Variants in NXPE2 observed in about 807,000 individuals in gnomAD.
NXPE2 encodes NXPE family member 2.
NXPE2 carries 34 observed loss-of-function variants against 34.4 expected under a neutral mutation model. That is an observed-to-expected ratio of 0.99 (90% CI 0.75 to 1.31). The LOEUF (loss-of-function observed/expected upper bound fraction) is 1.31. Ranked by LOEUF, NXPE2 falls within the 40% of genes most tolerant of loss-of-function variation. The probability of loss-of-function intolerance (pLI) is 0.00; values close to 1 mark genes in which losing one functional copy is unlikely to be tolerated. For synonymous variants in NXPE2, 235 were observed against 231.3 expected, an observed-to-expected ratio of 1.02 and a Z score of -0.15; for missense variants, 649 against 672.5, an observed-to-expected ratio of 0.97 and a Z score of 0.39.
chr11:114,800,451 TTGTTAAAC>T, the NXPE2 span, among the ~76,000 whole-genome samples: 1 of 152,054 alleles, frequency 6.6e-6, no homozygotes, highest in Non-Finnish European at 1.5e-5. Flanking sequence ...TTCAAACTGT[TTGTTAAAC>T]TGATTTTTTT....
At chr11:114,622,687 G>A in the NXPE2 span, among the ~76,000 whole-genome samples, 1 of 151,600 alleles carries the variant, frequency 6.6e-6, no homozygotes, top group South Asian at 2.1e-4. Context: ...ATGTTGCCTA[G>A]TGGTTAACCC....
chr11:114,533,670 A>AGCT, the NXPE2 span, among the ~76,000 whole-genome samples: 1 of 152,246 alleles, frequency 6.6e-6, no homozygotes, highest in Non-Finnish European at 1.5e-5. Flanking sequence ...TCCTACGCCC[A>AGCT]CGGAGCCTTG....
At position 114,706,278 on chromosome 11, in the gene NXPE2, T is replaced by C. The variant is rs1010842823; in HGVS notation, c.1145-117T>C. 23 of 822,948 alleles carry C rather than the reference T, an allele frequency of 2.8e-5. No homozygotes were observed. In the East Asian group the frequency reaches 4.0e-4, roughly 14 times the overall value. The allele number at this position is 822,948 out of a possible 1,614,324, so 51.0% of individuals were successfully genotyped here. A position where few individuals can be genotyped will look rare whatever the true frequency, so the allele number is the denominator to read the frequency against. On this transcript the variant is annotated intron_variant, in intron 5 of 5. Transcript: ENST00000389586. ...ACCTGGTAAAATTATCCACCTTACA[T>C]AGGCAATAGTGCTTAGTTAGAAGTG...
At position 114,705,907 on chromosome 11, in the gene NXPE2, T is replaced by C. The variant is rs546157264; in HGVS notation, c.1055T>C (p.Ile352Thr). 1 of 1,541,888 alleles carries C rather than the reference T, an allele frequency of 6.5e-7. No individual in the cohort carries two copies. Among genetic ancestry groups the C allele is most frequent in the African/African-American group, 1.4e-5 (1 of 72,764 alleles). ...ATCAAGTTCAATGAAACAAAAAATA[T>C]AAATGACTGCTTGGAAAGAAAACTT... ...KQIKFNETKNINDCLERKLIY... is the reference protein window; with the variant it reads ...KQIKFNETKNTNDCLERKLIY... The change falls in exon 5 of 6, where the codon ATA becomes ACA. Residue 352 changes from isoleucine to threonine, a missense_variant. Transcript: ENST00000389586.
the NXPE2 span, among the ~76,000 whole-genome samples, chr11:114,804,012 A>T: frequency 6.6e-6 from 1 of 152,138 alleles, no homozygotes; most frequent in African/African-American, 2.4e-5. Flanking sequence ...GTTATGGGGG[A>T]ACAAAACATT....
chr11:114,605,193 C>T, the NXPE2 span, among the ~76,000 whole-genome samples: 2 of 151,844 alleles, frequency 1.3e-5, no homozygotes, highest in Non-Finnish European at 2.9e-5. Flanking sequence ...CCACTCTTAC[C>T]CAGTGGATAA....
chr11:114,751,820 G>A, the NXPE2 span, among the ~76,000 whole-genome samples: 4 of 152,186 alleles, frequency 2.6e-5, no homozygotes, highest in Admixed American at 2.0e-4. Context: ...CAGGCCCTAT[G>A]TAATCATGAG....
the NXPE2 span, among the ~76,000 whole-genome samples, chr11:114,765,331 T>G: frequency 6.6e-6 from 1 of 152,244 alleles, no homozygotes; most frequent in African/African-American, 2.4e-5. Context: ...GTGTCAATAC[T>G]GTGTGTAGCA....
chr11:114,695,212 A>C (rs1427113703), intron 2 of NXPE2, among the ~76,000 whole-genome samples: 1 of 152,070 alleles, frequency 6.6e-6, no homozygotes, highest in Non-Finnish European at 1.5e-5. Flanking sequence ...CTCCTTTTTA[A>C]GTAGGGTCTG....
intron 5 of NXPE2, 29 bp from the exon 6 acceptor site, chr11:114,706,366 A>G: frequency 6.8e-7 from 1 of 1,480,238 alleles, no homozygotes; most frequent in Non-Finnish European, 9.0e-7. Context: ...TCCTTTTGTT[A>G]AAATATTTAT....
chr11:114,528,036 A>G, the NXPE2 span: 1 of 600,834 alleles, frequency 1.7e-6, no homozygotes. Context: ...TAAATTTTAG[A>G]TATATTGGGT....
the NXPE2 span, among the ~76,000 whole-genome samples, chr11:114,735,727 G>C: frequency 6.6e-6 from 1 of 152,158 alleles, no homozygotes. Flanking sequence ...TATATAGTAG[G>C]AAAGTAGCCA....
chr11:114,516,468 T>C, the NXPE2 span, among the ~76,000 whole-genome samples: 1 of 152,152 alleles, frequency 6.6e-6, no homozygotes, highest in South Asian at 2.1e-4. Context: ...AACCTACATG[T>C]CCATAATTCA....
the NXPE2 span, among the ~76,000 whole-genome samples, chr11:114,810,764 G>A: frequency 6.6e-6 from 1 of 152,146 alleles, no homozygotes; most frequent in Non-Finnish European, 1.5e-5. Flanking sequence ...TTCAACCATT[G>A]TGGAAGTCAG....
the NXPE2 span, chr11:114,521,918 G>T: frequency 1.5e-6 from 2 of 1,315,706 alleles, no homozygotes; most frequent in Non-Finnish European, 2.1e-6. Context: ...AATACATGTG[G>T]GATTATGTGC....
chr11:114,764,737 C>T, the NXPE2 span, among the ~76,000 whole-genome samples: 6 of 152,164 alleles, frequency 3.9e-5, no homozygotes, highest in African/African-American at 9.6e-5. Context: ...TGTATTCAGT[C>T]AGGATGGGCT....
the NXPE2 span, among the ~76,000 whole-genome samples, chr11:114,761,143 T>C: frequency 6.6e-6 from 1 of 152,222 alleles, no homozygotes; most frequent in Non-Finnish European, 1.5e-5. Flanking sequence ...TGCTTTATTA[T>C]CACAGAAGTC....
chr11:114,710,440 G>T (rs1164028597), downstream of NXPE2, among the ~76,000 whole-genome samples: 3 of 152,136 alleles, frequency 2.0e-5, no homozygotes, highest in African/African-American at 7.2e-5. Context: ...AAATAAAAAT[G>T]ATTTTGAGAG....
At chr11:114,788,512 TCTCTCCAGTTAGAGGCATG>T in the NXPE2 span, among the ~76,000 whole-genome samples, 1 of 152,156 alleles carries the variant, frequency 6.6e-6, no homozygotes, top group Non-Finnish European at 1.5e-5. Flanking sequence ...ACCACCAGTA[TCTCTCCAGTTAGAGGCATG>T]GGTTTCTTCC....
Sources: allele counts gnomAD v4.1 joint callset (sites outside exome capture counted in the v4.1 genomes callset), GRCh38; gene constraint gnomAD v4.1.1; transcripts MANE v1.5; gene names NCBI Gene and HGNC (gene_info 2026-07-23, HGNC 2026-07-21).